CTNND1: variants seen among roughly 807,000 people sequenced by gnomAD.
CTNND1 encodes catenin delta 1.
Under a neutral mutation model 112.1 loss-of-function variants are expected in CTNND1, and 16 were observed. The ratio of observed to expected loss-of-function variants is 0.14; its 90% CI spans 0.10 to 0.22. CTNND1 has a LOEUF of 0.22. Ranked by LOEUF, CTNND1 falls within the 10% of genes least tolerant of loss-of-function variation. CTNND1 has a pLI of 1.00. For missense variants in CTNND1, 1,008 were observed against 1,257.0 expected (o/e 0.80, Z 3.00); for synonymous variants, 420 against 446.5 (o/e 0.94, Z 0.75).
chr11:57,803,269 G>A (rs749743921), intron 7 of CTNND1, among the ~76,000 whole-genome samples: 5 of 152,054 alleles, frequency 3.3e-5, no homozygotes, highest in Non-Finnish European at 5.9e-5. Flanking sequence ...CACCACGCCC[G>A]GCTAATTTTT....
rs1029965895 is a variant in CTNND1 at position 57,803,876 on chromosome 11, A to G, written c.1604+72A>G. The G allele has an allele frequency of 6.4e-6, 8 of 1,246,524 alleles. No individual in the cohort carries two copies. In the African/African-American group the frequency reaches 1.2e-4, roughly 19 times the overall value. The allele number at this position is 1,246,524 out of a possible 1,614,324, so 77.2% of individuals were successfully genotyped here. ...GACTTAAATTTCCTAAAAAAAAAAA[A>G]AAATTAAAATTCTTTAGCCTATTCT... On this transcript the variant is annotated intron_variant, in intron 8 of 20. Coordinates refer to ENST00000399050, the MANE Select transcript of CTNND1 (RefSeq NM_001085458.2).
chr11:57,814,673 G>C (rs2063748441), intron 18 of CTNND1, among the ~76,000 whole-genome samples: 1 of 151,970 alleles, frequency 6.6e-6, no homozygotes, highest in Admixed American at 6.6e-5. Context: ...GGAGTGAATG[G>C]ATACATCTGT....
intron 2 of CTNND1, among the ~76,000 whole-genome samples, 196 bp from the exon 3 acceptor site, chr11:57,791,189 G>A (rs2060701534): frequency 6.6e-6 from 1 of 152,158 alleles, no homozygotes; most frequent in Admixed American, 6.5e-5. Flanking sequence ...ATTTCTGGTG[G>A]GATGTTGAAG....
intron 2 of CTNND1, 135 bp from the exon 3 acceptor site, chr11:57,791,250 C>G (rs529049915): frequency 1.7e-6 from 1 of 594,056 alleles, no homozygotes; most frequent in East Asian, 3.9e-5. Flanking sequence ...TGATGGGCTC[C>G]CAGGCTTGGC....
intron 1 of CTNND1, among the ~76,000 whole-genome samples, chr11:57,772,798 C>G (rs920610293): frequency 6.6e-6 from 1 of 151,856 alleles, no homozygotes; most frequent in Admixed American, 6.6e-5. Context: ...GTCTCGTTCT[C>G]TCTCTCTCTC....
intron 1 of CTNND1, among the ~76,000 whole-genome samples, chr11:57,778,137 C>T (rs897283711): frequency 1.3e-5 from 2 of 152,050 alleles, no homozygotes; most frequent in African/African-American, 4.8e-5. Context: ...GTTGTCCTCT[C>T]ATTCTCTAGG....
Position 57,782,835 on chromosome 11 carries a change from A to G in CTNND1, c.-213-6202A>G, listed in dbSNP as rs118013196. Among the ~76,000 whole-genome samples the G allele has an allele frequency of 3.0e-3, 459 of 152,362 alleles. 3 individuals are homozygous for G. Among genetic ancestry groups the G allele is most frequent in the Admixed American group, 5.2e-3 (80 of 15,302 alleles). On this transcript the variant is annotated intron_variant, in intron 1 of 20. Transcript: ENST00000399050. The stretch of plus-strand genomic sequence containing the variant: ...CTAGGAGAAGGCCATATCCAGAATA[A>G]TACAGGTTTTGTGACTTGAGTAGTG...
In CTNND1 at chr11:57,808,511, C is replaced by T. The variant is rs375032591; in HGVS notation, c.2213C>T (p.Ala738Val). ...KAASGALRNL[A>V]VDARNKELIG... ...GCATCTGGAGCACTGAGAAACCTGG[C>T]TGTGGATGCTCGCAACAAAGAATTA... Residue 738 changes from alanine (A) to valine (V), a missense_variant, in exon 14 of 21, where the codon GCT becomes GTT. By Grantham distance (64) the Ala-to-Val change is moderately conservative (BLOSUM62 0). This residue lies in a region of CTNND1 where 254 missense variants were observed against 279.5 expected (regional missense o/e 0.91). Transcript: ENST00000399050. 86 of 1,605,886 alleles carry T rather than the reference C, an allele frequency of 5.4e-5. No individual in the cohort carries two copies. The highest frequency in any genetic ancestry group is 7.0e-5 in the Non-Finnish European group (82 of 1,177,360).
At chr11:57,780,071 T>G (rs1269073) in intron 1 of CTNND1, among the ~76,000 whole-genome samples, 1,636 of 129,200 alleles carry the variant, frequency 0.013, 58 homozygotes, top group Middle Eastern at 0.037. Flanking sequence ...TTTTTTTTTT[T>G]GAGACAGGGT....
intron 4 of CTNND1, 101 bp downstream of exon 4, chr11:57,794,182 T>C: frequency 1.1e-6 from 1 of 938,370 alleles, no homozygotes; most frequent in East Asian, 2.5e-5. Context: ...TGGCACATTG[T>C]ACATACTCGT....
intron 1 of CTNND1, among the ~76,000 whole-genome samples, chr11:57,784,821 A>G (rs2059966901): frequency 6.6e-6 from 1 of 152,080 alleles, no homozygotes; most frequent in African/African-American, 2.4e-5. Context: ...ATTGGTTTTG[A>G]TTTTATAATG....
chr11:57,777,758 C>G (rs1008356050), intron 1 of CTNND1, among the ~76,000 whole-genome samples: 3 of 152,186 alleles, frequency 2.0e-5, no homozygotes, highest in African/African-American at 7.2e-5. Flanking sequence ...GTGTGCCCCT[C>G]TGGTTGGAGG....
intron 8 of CTNND1, 71 bp from the exon 9 acceptor site, chr11:57,804,592 T>G: frequency 9.2e-7 from 1 of 1,090,348 alleles, no homozygotes; most frequent in Non-Finnish European, 1.4e-6. Flanking sequence ...AGGAATCTTG[T>G]AGGTGTTGAG....
At chr11:57,767,073 G>A (rs1386433195) in intron 1 of CTNND1, among the ~76,000 whole-genome samples, 1 of 151,796 alleles carries the variant, frequency 6.6e-6, no homozygotes, top group East Asian at 1.9e-4. Context: ...CCGGTTTCAA[G>A]CGATTCTCCT....
chr11:57,789,127 A>G lies in CTNND1; in HGVS notation c.-123A>G, dbSNP rs2060426604. 2 of 1,534,854 alleles carry G rather than the reference A, an allele frequency of 1.3e-6. No homozygotes were observed. The highest frequency in any genetic ancestry group is 1.7e-6 in the Non-Finnish European group (2 of 1,146,586). On this transcript the variant is annotated 5_prime_UTR_variant, in exon 2 of 21. Coordinates refer to ENST00000399050, the MANE Select transcript of CTNND1 (RefSeq NM_001085458.2). Reference sequence around the variant, plus strand: ...TAGACTGGGCTGTTCTCTGTGTTAAACCAATCAGTTGCGACCTTCTCTTAA... The same window carrying G: ...TAGACTGGGCTGTTCTCTGTGTTAAGCCAATCAGTTGCGACCTTCTCTTAA...
At position 57,761,842 on chromosome 11, in the gene CTNND1, G is replaced by C. The variant is rs576996262; in HGVS notation, c.-491G>C. On this transcript the variant is annotated 5_prime_UTR_variant, in exon 1 of 21. Transcript: ENST00000399050. ...CACCCAGGCTCCCTTGCCTTTGGCT[G>C]GGTGCAACTTCCATTTTAGGTGTTG... 2 of 985,070 alleles carry C rather than the reference G, an allele frequency of 2.0e-6. No individual in the cohort carries two copies. Among genetic ancestry groups the C allele is most frequent in the Non-Finnish European group, 2.4e-6 (2 of 829,932 alleles). The allele number at this position is 985,070 out of a possible 1,614,324, so 61.0% of individuals were successfully genotyped here.
In CTNND1 at chr11:57,796,554, A is replaced by G; in HGVS notation, c.518A>G (p.Asn173Ser). ...GTGGATGCTTCATCAGTTTCTAACAACTATATCCAGACTTTGGGTCGTGAT... is the reference window on the plus strand; with the variant it reads ...GTGGATGCTTCATCAGTTTCTAACAGCTATATCCAGACTTTGGGTCGTGAT... ...LPVDASSVSNNYIQTLGRDFR... is the reference protein window; with the variant it reads ...LPVDASSVSNSYIQTLGRDFR... Residue 173 changes from asparagine to serine, a missense_variant, in exon 6 of 21, where the codon AAC (asparagine) becomes AGC (serine). Coordinates refer to ENST00000399050, the MANE Select transcript of CTNND1 (RefSeq NM_001085458.2). 1 of 1,614,044 alleles carries G rather than the reference A, an allele frequency of 6.2e-7. No homozygotes were observed. The highest frequency in any genetic ancestry group is 8.5e-7 in the Non-Finnish European group (1 of 1,179,892).
chr11:57,815,942 G>A lies in CTNND1; in HGVS notation c.2836G>A (p.Glu946Lys). The change falls in exon 20 of 21, where the codon GAA (glutamate) becomes AAA (lysine). Residue 946 changes from glutamate to lysine, a missense_variant. Around this residue, in one of 5 missense-constraint regions of CTNND1, gnomAD observed 106 missense variants for 116.2 expected, o/e 0.91. Transcript: ENST00000399050. ...GGACGAGGGGCAGGAATCTCTGGAG[G>A]AAGAGTTGGATGTGTTGGTTTTGGA... ...MQDEGQESLEEELDVLVLDDE... is the reference protein window; with the variant it reads ...MQDEGQESLEKELDVLVLDDE... 6.2e-7 allele frequency: 1 copy of A among 1,607,116 alleles called. No homozygotes were observed. Among genetic ancestry groups the A allele is most frequent in the South Asian group, 1.1e-5 (1 of 89,422 alleles).
rs775782206 is a variant in CTNND1 at position 57,804,730 on chromosome 11, C to T, written c.1672C>T (p.Leu558Phe). The change falls in exon 9 of 21, where the codon CTC becomes TTC. Residue 558 changes from leucine (L) to phenylalanine (F), a missense_variant. Leu to Phe is a conservative substitution (Grantham distance 22). Transcript: ENST00000399050. ...LRECDGLVDA[L>F]IFIVQAEIGQ... ...GGAATGTGATGGTTTAGTTGATGCCCTCATTTTCATTGTTCAGGCTGAGAT... is the reference window on the plus strand; with the variant it reads ...GGAATGTGATGGTTTAGTTGATGCCTTCATTTTCATTGTTCAGGCTGAGAT... 107 of 1,613,866 alleles carry T rather than the reference C, an allele frequency of 6.6e-5. No individual in the cohort carries two copies. The highest frequency in any genetic ancestry group is 8.6e-5 in the Non-Finnish European group (102 of 1,179,846).
Sources: allele counts gnomAD v4.1 joint callset (sites outside exome capture counted in the v4.1 genomes callset), GRCh38; gene constraint gnomAD v4.1.1; regional missense constraint gnomAD v4.1.1; transcripts MANE v1.5; gene names NCBI Gene and HGNC (gene_info 2026-07-23, HGNC 2026-07-21).